The following PRPF18 variants were observed in gnomAD, a reference collection of about 807,000 sequenced individuals.
PRPF18 encodes pre-mRNA processing factor 18.
Under a neutral mutation model 46.5 loss-of-function variants are expected in PRPF18, and 38 were observed. The observed-to-expected ratio is 0.82, with a 90% CI of 0.63 to 1.07. The LOEUF is 1.07. Ranked by LOEUF, PRPF18 falls within the 50% of genes least tolerant of loss-of-function variation. PRPF18 has a pLI of 0.00. For synonymous variants in PRPF18, 152 were observed against 146.7 expected, an observed-to-expected ratio of 1.04 and a Z score of -0.26; for missense variants, 263 against 410.0, an observed-to-expected ratio of 0.64 and a Z score of 3.10.
intron 4 of PRPF18, 82 bp downstream of exon 4, chr10:13,605,826 G>C (rs931266054): frequency 7.0e-7 from 1 of 1,437,880 alleles, no homozygotes; most frequent in African/African-American, 1.4e-5. Context: ...ATTATTGTAG[G>C]CAACAATGGA....
At chr10:13,615,909 A>C (rs1396966223) in intron 8 of PRPF18, among the ~76,000 whole-genome samples, 6 of 152,192 alleles carry the variant, frequency 3.9e-5, no homozygotes, top group Admixed American at 2.0e-4. Context: ...GGTCGTCGGC[A>C]CATACTGAGC....
At chr10:13,634,123 A>T (rs1223885415), downstream of PRPF18, among the ~76,000 whole-genome samples, 1 of 152,264 alleles carries the variant, frequency 6.6e-6, no homozygotes, top group African/African-American at 2.4e-5. Context: ...ATTGAAAAAC[A>T]TGCTCATTTA....
intron 1 of PRPF18, 126 bp from the exon 2 acceptor site, chr10:13,597,332 T>G (rs535179373): frequency 1.5e-6 from 1 of 660,402 alleles, no homozygotes; most frequent in African/African-American, 1.8e-5. Flanking sequence ...CCAAAAAATA[T>G]TTATTTTATC....
intron 9 of PRPF18, among the ~76,000 whole-genome samples, chr10:13,624,282 CAATTAGACT>C (rs2080465934): frequency 6.6e-6 from 1 of 152,044 alleles, no homozygotes; most frequent in African/African-American, 2.4e-5. Context: ...CTGGCCTCAC[CAATTAGACT>C]TTTAAATGCA....
intron 9 of PRPF18, among the ~76,000 whole-genome samples, chr10:13,629,337 C>T (rs1041621370): frequency 2.6e-5 from 4 of 152,192 alleles, no homozygotes; most frequent in African/African-American, 9.7e-5. Flanking sequence ...ATGTTGTACT[C>T]AGTTTTTACT....
chr10:13,596,622 G>C lies in PRPF18; in HGVS notation c.67-836G>C, dbSNP rs1446533434. On this transcript the variant is annotated intron_variant, in intron 1 of 9. Transcript: ENST00000378572. ...AGAGGCAGAGCTGCGATGGCAACAAGCCTCCAAATTACGGACTGTAGATGT... is the reference window on the plus strand; with the variant it reads ...AGAGGCAGAGCTGCGATGGCAACAACCCTCCAAATTACGGACTGTAGATGT... Among the ~76,000 whole-genome samples the C allele has an allele frequency of 5.3e-5, 8 of 152,314 alleles. No individual in the cohort carries two copies. The East Asian group carries it at 1.5e-3, about 29-fold the overall frequency.
chr10:13,646,820 A>T, the PRPF18 span: 1 of 160,676 alleles, frequency 6.2e-6, no homozygotes, highest in Non-Finnish European at 1.3e-5. Flanking sequence ...GGAGAAAAAA[A>T]GTGCTGAGGG....
At chr10:13,617,333 T>C (rs1189489136) in intron 9 of PRPF18, among the ~76,000 whole-genome samples, 1 of 152,258 alleles carries the variant, frequency 6.6e-6, no homozygotes, top group Non-Finnish European at 1.5e-5. Flanking sequence ...TCATGAAATA[T>C]CTTTTTGTTT....
intron 3 of PRPF18, among the ~76,000 whole-genome samples, chr10:13,600,935 C>T (rs1362456908): frequency 3.3e-5 from 5 of 152,094 alleles, no homozygotes; most frequent in African/African-American, 1.2e-4. Context: ...TGCCACCACA[C>T]CCAGCTAATT....
At chr10:13,588,429 T>C (rs529641234) in intron 1 of PRPF18, among the ~76,000 whole-genome samples, 122 of 150,928 alleles carry the variant, frequency 8.1e-4, no homozygotes, top group African/African-American at 2.9e-3. Flanking sequence ...AAATTCCTTC[T>C]AGCCAGGTGT....
chr10:13,651,850 C>T, the PRPF18 span: 1 of 869,488 alleles, frequency 1.2e-6, no homozygotes, highest in South Asian at 1.3e-5. Flanking sequence ...AAAAGCAACA[C>T]ATGTGGGACC....
chr10:13,622,730 C>T (rs1420185065), intron 9 of PRPF18, among the ~76,000 whole-genome samples: 1 of 152,096 alleles, frequency 6.6e-6, no homozygotes, highest in African/African-American at 2.4e-5. Context: ...TTGATAAGTC[C>T]TCCAGATACT....
At chr10:13,652,989 C>G in the PRPF18 span, 9 of 151,600 alleles carry the variant, frequency 5.9e-5, no homozygotes, top group African/African-American at 2.2e-4. Context: ...TTCCAGCTCC[C>G]TCCAGCTGTC....
chr10:13,614,000 A>G lies in PRPF18; in HGVS notation c.721-15A>G. On this transcript the variant is annotated splice_polypyrimidine_tract_variant and intron_variant, in intron 7 of 9. Coordinates refer to ENST00000378572, the MANE Select transcript of PRPF18 (RefSeq NM_003675.4). Reference sequence around the variant, plus strand: ...TACATAGTAGCTTCCAAAATTTCTTATTTATTTTTTTCAGAATCTTCCTGC... The same window carrying G: ...TACATAGTAGCTTCCAAAATTTCTTGTTTATTTTTTTCAGAATCTTCCTGC... 3.2e-6 allele frequency: 5 copies of G among 1,566,258 alleles called. No individual in the cohort carries two copies. Among genetic ancestry groups the G allele is most frequent in the Non-Finnish European group, 4.3e-6 (5 of 1,152,970 alleles).
intron 1 of PRPF18, among the ~76,000 whole-genome samples, chr10:13,589,488 G>A (rs964237957): frequency 1.3e-5 from 2 of 152,204 alleles, no homozygotes; most frequent in African/African-American, 2.4e-5. Context: ...GAGTAAATTT[G>A]TTTAGAGAAA....
the PRPF18 span, chr10:13,647,860 G>A: frequency 2.6e-5 from 4 of 151,558 alleles, no homozygotes; most frequent in Non-Finnish European, 4.4e-5. Context: ...ATCATGATTC[G>A]GAAAAACAGC....
chr10:13,631,462 C>T (rs1029518807), downstream of PRPF18: 1 of 152,218 alleles, frequency 6.6e-6, no homozygotes, highest in African/African-American at 2.4e-5. Context: ...TCTTTCTAAG[C>T]GTCAGCTTCG....
chr10:13,636,258 CA>C, the PRPF18 span, among the ~76,000 whole-genome samples: 1 of 152,020 alleles, frequency 6.6e-6, no homozygotes, highest in African/African-American at 2.4e-5. Flanking sequence ...CTCATCTCTA[CA>C]AAAAATACAA....
chr10:13,639,257 T>A, the PRPF18 span: 1 of 152,250 alleles, frequency 6.6e-6, no homozygotes, highest in Non-Finnish European at 1.5e-5. Flanking sequence ...TGCCCTGTCA[T>A]CAAGATTCTG....
Sources: allele counts gnomAD v4.1 joint callset (sites outside exome capture counted in the v4.1 genomes callset), GRCh38; gene constraint gnomAD v4.1.1; transcripts MANE v1.5; gene names NCBI Gene and HGNC (gene_info 2026-07-23, HGNC 2026-07-21).